Variants in AGBL1 observed in about 807,000 individuals in gnomAD.
The protein encoded by AGBL1 is AGBL carboxypeptidase 1, also known as cytosolic carboxypeptidase 4.
In AGBL1, 130 loss-of-function variants were observed where a neutral mutation model predicts 118.9. That is an observed-to-expected ratio of 1.09 (90% CI 0.95 to 1.26). The LOEUF (loss-of-function observed/expected upper bound fraction) is 1.26. Among genes scored for constraint, AGBL1 ranks in the 50% most tolerant of loss-of-function variants. AGBL1 has a pLI of 0.00. For missense variants in AGBL1, 1,584 were observed against 1,298.1 expected (o/e 1.22, Z -3.38); for synonymous variants, 555 against 478.9 (o/e 1.16, Z -2.08).
chr15:86,778,217 G>A (rs1482332551), intron 22 of AGBL1, among the ~76,000 whole-genome samples: 4 of 152,158 alleles, frequency 2.6e-5, no homozygotes, highest in African/African-American at 9.7e-5. Flanking sequence ...CAAGGTAACA[G>A]AATATCACAA....
At chr15:86,443,254 C>T (rs2082085474) in intron 18 of AGBL1, among the ~76,000 whole-genome samples, 1 of 152,158 alleles carries the variant, frequency 6.6e-6, no homozygotes. Flanking sequence ...CTCTTAGTTT[C>T]CCTGTGTGAT....
intron 22 of AGBL1, among the ~76,000 whole-genome samples, chr15:86,727,839 G>T (rs982758224): frequency 1.1e-4 from 17 of 152,156 alleles, no homozygotes; most frequent in Admixed American, 7.2e-4. Flanking sequence ...AAGGACTGAG[G>T]TCTAGAAAGG....
At chr15:86,782,541 C>T (rs1006423973) in intron 22 of AGBL1, among the ~76,000 whole-genome samples, 7 of 152,180 alleles carry the variant, frequency 4.6e-5, no homozygotes, top group Admixed American at 1.3e-4. Context: ...CTTTTGTGTG[C>T]GTTCTTGAAA....
chr15:86,537,640 A>G (rs1466898938), intron 19 of AGBL1, among the ~76,000 whole-genome samples: 2 of 152,234 alleles, frequency 1.3e-5, no homozygotes, highest in African/African-American at 4.8e-5. Context: ...ATTGTTCTTC[A>G]TCACTCGTCC....
At chr15:86,794,174 A>G (rs1427048893) in intron 22 of AGBL1, among the ~76,000 whole-genome samples, 3 of 152,234 alleles carry the variant, frequency 2.0e-5, no homozygotes, top group Non-Finnish European at 2.9e-5. Flanking sequence ...ACTATTTGCA[A>G]TAGCCAAGCA....
chr15:86,441,664 G>A (rs193199162), intron 18 of AGBL1, among the ~76,000 whole-genome samples: 207 of 152,312 alleles, frequency 1.4e-3, no homozygotes, highest in African/African-American at 4.0e-3. Flanking sequence ...TTGTATCCCC[G>A]TTATTGGAAG....
intron 1 of AGBL1, chr15:86,138,473 T>A (rs1384889442): frequency 1.3e-5 from 2 of 152,256 alleles, no homozygotes; most frequent in African/African-American, 2.4e-5. Context: ...GCTGTTCATC[T>A]CAGCCAGGCC....
chr15:86,833,476 C>T (rs2141420477), intron 22 of AGBL1, among the ~76,000 whole-genome samples: 1 of 152,210 alleles, frequency 6.6e-6, no homozygotes, highest in Middle Eastern at 3.4e-3. Flanking sequence ...TTGCTTCTTC[C>T]TCACTCTTCT....
intron 22 of AGBL1, among the ~76,000 whole-genome samples, chr15:86,695,544 G>C (rs2142622416): frequency 6.6e-6 from 1 of 151,976 alleles, no homozygotes; most frequent in African/African-American, 2.4e-5. Context: ...CAAAGAACCA[G>C]CTTTTTGTTT....
intron 21 of AGBL1, among the ~76,000 whole-genome samples, chr15:86,617,613 T>C (rs1362504199): frequency 6.6e-6 from 1 of 152,194 alleles, no homozygotes; most frequent in Non-Finnish European, 1.5e-5. Flanking sequence ...TGATCATAGG[T>C]ATATTTTTTA....
intron 21 of AGBL1, among the ~76,000 whole-genome samples, chr15:86,638,231 G>A (rs988622221): frequency 4.6e-5 from 7 of 152,212 alleles, no homozygotes; most frequent in African/African-American, 1.7e-4. Flanking sequence ...CAATACAACA[G>A]TTGGTATCAT....
At chr15:86,842,539 C>T (rs2079259983) in intron 22 of AGBL1, among the ~76,000 whole-genome samples, 2 of 152,104 alleles carry the variant, frequency 1.3e-5, no homozygotes, top group African/African-American at 4.8e-5. Context: ...GGTATGGGAA[C>T]ATTCCACAGG....
At chr15:86,949,572 CAAAA>C (rs1217450556) in intron 23 of AGBL1, among the ~76,000 whole-genome samples, 1 of 151,590 alleles carries the variant, frequency 6.6e-6, no homozygotes, top group Non-Finnish European at 1.5e-5. Flanking sequence ...GACTCTGAGA[CAAAA>C]AATACTGCTA....
At chr15:86,719,221 T>TC (rs1180462636) in intron 22 of AGBL1, among the ~76,000 whole-genome samples, 1 of 152,026 alleles carries the variant, frequency 6.6e-6, no homozygotes, top group Admixed American at 6.5e-5. Context: ...GGCTTTTTCT[T>TC]CCCCCAGTTG....
intron 21 of AGBL1, among the ~76,000 whole-genome samples, chr15:86,632,409 C>T (rs989105535): frequency 6.6e-6 from 1 of 152,038 alleles, no homozygotes; most frequent in Non-Finnish European, 1.5e-5. Context: ...CACCATTGCA[C>T]TCCAGCCTGG....
At chr15:86,999,679 A>G (rs1240221363) in intron 24 of AGBL1, among the ~76,000 whole-genome samples, 2 of 151,250 alleles carry the variant, frequency 1.3e-5, no homozygotes, top group African/African-American at 4.9e-5. Flanking sequence ...TAATGCCACA[A>G]TAAACACACG....
chr15:86,614,043 A>T (rs1475005826), intron 21 of AGBL1, among the ~76,000 whole-genome samples: 1 of 152,196 alleles, frequency 6.6e-6, no homozygotes, highest in Non-Finnish European at 1.5e-5. Context: ...AATAAAAATA[A>T]ATCCTAAGAA....
chr15:86,352,954 C>A (rs940005011), intron 17 of AGBL1, among the ~76,000 whole-genome samples: 3 of 152,098 alleles, frequency 2.0e-5, no homozygotes, highest in East Asian at 1.9e-4. Context: ...TTGTGTTCTA[C>A]ATGTCAGAAA....
At chr15:86,126,795 C>A (rs16948541) in intron 1 of AGBL1, among the ~76,000 whole-genome samples, 9 of 152,106 alleles carry the variant, frequency 5.9e-5, no homozygotes, top group Non-Finnish European at 1.2e-4. Flanking sequence ...TTAGTTGTTG[C>A]GCTGTGGTTA....
Sources: allele counts gnomAD v4.1 joint callset (sites outside exome capture counted in the v4.1 genomes callset), GRCh38; gene constraint gnomAD v4.1.1; transcripts MANE v1.5; gene names NCBI Gene and HGNC (gene_info 2026-07-23, HGNC 2026-07-21).